PLSCR4: variants seen among roughly 807,000 people sequenced by gnomAD.
The protein encoded by PLSCR4 is phospholipid scramblase 4, also known as Ca(2+)-dependent phospholipid scramblase 4.
PLSCR4 carries 25 observed loss-of-function variants against 36.3 expected under a neutral mutation model. The ratio of observed to expected loss-of-function variants is 0.69; its 90% confidence interval spans 0.50 to 0.96. The LOEUF (loss-of-function observed/expected upper bound fraction) is 0.96. Among genes scored for constraint, PLSCR4 ranks in the 40% least tolerant of loss-of-function variants. PLSCR4 has a pLI of 0.00. For missense variants in PLSCR4, 408 were observed against 414.7 expected (o/e 0.98, Z 0.14); for synonymous variants, 122 against 132.9 (o/e 0.92, Z 0.56).
intron 1 of PLSCR4, among the ~76,000 whole-genome samples, chr3:146,247,220 G>A (rs1277426563): frequency 6.6e-6 from 1 of 151,974 alleles, no homozygotes; most frequent in African/African-American, 2.4e-5. Context: ...TTTTCTTCCT[G>A]TGGATCTGTG....
intron 3 of PLSCR4, among the ~76,000 whole-genome samples, chr3:146,212,861 T>C (rs2034694025): frequency 1.3e-5 from 2 of 152,190 alleles, no homozygotes; most frequent in Admixed American, 1.3e-4. Context: ...TTTTCATAGG[T>C]ACTCTTTTAT....
intron 3 of PLSCR4, among the ~76,000 whole-genome samples, chr3:146,213,633 T>C (rs1334725798): frequency 6.6e-6 from 1 of 152,176 alleles, no homozygotes; most frequent in Non-Finnish European, 1.5e-5. Flanking sequence ...AAATTCACTA[T>C]TGAAGCCATT....
chr3:146,225,040 TAC>T (rs2035386236), intron 1 of PLSCR4, among the ~76,000 whole-genome samples: 1 of 140,026 alleles, frequency 7.1e-6, no homozygotes, highest in African/African-American at 2.7e-5. Context: ...TTGAGCTAAA[TAC>T]AGAGTGCCAA....
chr3:146,228,431 C>G (rs540910631), intron 1 of PLSCR4, among the ~76,000 whole-genome samples: 1 of 151,886 alleles, frequency 6.6e-6, no homozygotes, highest in South Asian at 2.1e-4. Flanking sequence ...AATGGGATTT[C>G]ATGAGCATTG....
At chr3:146,204,756 G>A (rs1490708053) in intron 4 of PLSCR4, among the ~76,000 whole-genome samples, 1 of 152,000 alleles carries the variant, frequency 6.6e-6, no homozygotes, top group Non-Finnish European at 1.5e-5. Flanking sequence ...TGTAGAAGAT[G>A]TTAGATTCCC....
At chr3:146,198,949 G>A (rs2033891874) in intron 6 of PLSCR4, among the ~76,000 whole-genome samples, 2 of 152,090 alleles carry the variant, frequency 1.3e-5, no homozygotes, top group Non-Finnish European at 2.9e-5. Context: ...CTATTTGCTA[G>A]GAACTGTGCA....
chr3:146,235,614 G>A (rs2035883441), intron 1 of PLSCR4, among the ~76,000 whole-genome samples: 1 of 152,174 alleles, frequency 6.6e-6, no homozygotes, highest in Non-Finnish European at 1.5e-5. Context: ...AAAGATACCT[G>A]AAAATGTGTA....
intron 2 of PLSCR4, 45 bp from the exon 3 acceptor site, chr3:146,220,970 T>A: frequency 1.7e-6 from 2 of 1,147,122 alleles, no homozygotes; most frequent in Non-Finnish European, 2.5e-6. Flanking sequence ...GAAACAATAA[T>A]ATAATGACAA....
chr3:146,241,180 T>C (rs1195525415), intron 1 of PLSCR4, among the ~76,000 whole-genome samples: 1 of 152,154 alleles, frequency 6.6e-6, no homozygotes, highest in South Asian at 2.1e-4. Flanking sequence ...TTCAAGAAGA[T>C]GGGAAATGAC....
intron 4 of PLSCR4, 89 bp from the exon 5 acceptor site, chr3:146,201,166 T>C: frequency 1.3e-6 from 1 of 760,062 alleles, no homozygotes; most frequent in Non-Finnish European, 2.1e-6. Context: ...GATATTAAAA[T>C]GCATCAATTG....
chr3:146,225,214 A>G (rs974853602), intron 1 of PLSCR4, among the ~76,000 whole-genome samples: 2 of 152,116 alleles, frequency 1.3e-5, no homozygotes, highest in African/African-American at 4.8e-5. Context: ...AAGGTTCTCC[A>G]AGGCCCCACC....
intron 4 of PLSCR4, among the ~76,000 whole-genome samples, chr3:146,203,020 A>T (rs1277953017): frequency 6.6e-6 from 1 of 151,982 alleles, no homozygotes; most frequent in Non-Finnish European, 1.5e-5. Context: ...AAATCATCAT[A>T]AAAGTGGCAA....
chr3:146,239,330 T>C (rs1440069888), intron 1 of PLSCR4, among the ~76,000 whole-genome samples: 1 of 152,118 alleles, frequency 6.6e-6, no homozygotes, highest in Non-Finnish European at 1.5e-5. Flanking sequence ...CAAAACTTAC[T>C]ACAAATGTAC....
At chr3:146,197,073 C>T (rs1283502715) in intron 6 of PLSCR4, among the ~76,000 whole-genome samples, 1 of 152,124 alleles carries the variant, frequency 6.6e-6, no homozygotes, top group Admixed American at 6.6e-5. Flanking sequence ...TGGCAAGCTG[C>T]ATAAACAGCT....
intron 4 of PLSCR4, among the ~76,000 whole-genome samples, chr3:146,205,621 A>G (rs1199270400): frequency 6.6e-6 from 1 of 152,118 alleles, no homozygotes; most frequent in African/African-American, 2.4e-5. Context: ...TAACATCTAC[A>G]GCGTGGATAC....
At chr3:146,200,172 T>C in intron 5 of PLSCR4, 133 bp from the exon 6 acceptor site, 1 of 605,248 alleles carries the variant, frequency 1.7e-6, no homozygotes, top group Non-Finnish European at 2.9e-6. Flanking sequence ...GTAGAATTGA[T>C]TAGAGTACCC....
At chr3:146,226,505 T>C (rs763242324) in intron 1 of PLSCR4, among the ~76,000 whole-genome samples, 1 of 152,218 alleles carries the variant, frequency 6.6e-6, no homozygotes, top group Non-Finnish European at 1.5e-5. Context: ...TAGCTATCTA[T>C]AGTGGCAAAC....
At chr3:146,245,597 A>C (rs1421344190) in intron 1 of PLSCR4, among the ~76,000 whole-genome samples, 1 of 152,092 alleles carries the variant, frequency 6.6e-6, no homozygotes, top group East Asian at 1.9e-4. Context: ...ATATAGTAAC[A>C]GTTTTGTAAA....
rs1576501726 is a variant in PLSCR4, at chr3:146,244,716, A to G, written c.-22+6244T>C. On this transcript the variant is annotated intron_variant, in intron 1 of 8. Transcript: ENST00000354952. ...CCTCCCTATTCCCTGAGACAAAACAATATTGAAATTAGGCCAATTAATAAG... is the reference window on the plus strand; with the variant it reads ...CCTCCCTATTCCCTGAGACAAAACAGTATTGAAATTAGGCCAATTAATAAG... Among the ~76,000 whole-genome samples the G allele has an allele frequency of 3.9e-5, 6 of 152,236 alleles. No individual in the cohort carries two copies. In the South Asian group the frequency reaches 1.2e-3, roughly 32 times the overall value.
Sources: gnomAD v4.1 joint callset for allele counts (sites outside exome capture counted in the v4.1 genomes callset) on GRCh38, gnomAD v4.1.1 for gene constraint, MANE v1.5 for transcripts, NCBI Gene and HGNC (gene_info 2026-07-23, HGNC 2026-07-21) for gene names.